Variants in ASPDH observed in about 807,000 individuals in gnomAD.
ASPDH encodes aspartate dehydrogenase domain-containing protein.
Under a neutral mutation model 30.5 loss-of-function variants are expected in ASPDH, and 25 were observed. The ratio of observed to expected loss-of-function variants is 0.82; its 90% confidence interval spans 0.60 to 1.14. The LOEUF is 1.14. ASPDH is among the 50% of genes most tolerant of loss of function. The pLI, the probability that ASPDH is intolerant of heterozygous loss-of-function variation, is 0.00. For synonymous variants in ASPDH, 168 were observed against 156.3 expected, an observed-to-expected ratio of 1.07 and a Z score of -0.56; for missense variants, 401 against 381.5, an observed-to-expected ratio of 1.05 and a Z score of -0.43.
upstream of ASPDH, chr19:50,514,393 G>A: frequency 6.3e-7 from 1 of 1,585,890 alleles, no homozygotes; most frequent in Non-Finnish European, 8.6e-7. Context: ...AACCTCCCTA[G>A]CCCCGCTGCG....
upstream of ASPDH, chr19:50,514,924 G>A: frequency 1.0e-6 from 1 of 985,436 alleles, no homozygotes; most frequent in Non-Finnish European, 1.2e-6. Context: ...TGCCGCTGCT[G>A]ATAAGGGAGG....
Sources: gnomAD v4.1 joint callset for allele counts on GRCh38, gnomAD v4.1.1 for gene constraint, MANE v1.5 for transcripts, NCBI Gene and HGNC (gene_info 2026-07-23, HGNC 2026-07-21) for gene names.